The following CFAP20DC variants were observed in gnomAD, a reference collection of about 807,000 sequenced individuals.
CFAP20DC encodes CFAP20 domain containing.
In CFAP20DC, 84 loss-of-function variants were observed where a neutral mutation model predicts 101.7. The observed-to-expected ratio is 0.83, with a 90% CI of 0.69 to 0.99. The LOEUF is 0.99. Among genes scored for constraint, CFAP20DC ranks in the 50% least tolerant of loss-of-function variants. The probability of loss-of-function intolerance (pLI) is 0.00; values close to 1 mark genes in which losing one functional copy is unlikely to be tolerated. For missense variants in CFAP20DC, 1,007 were observed against 970.3 expected (o/e 1.04, Z -0.50); for synonymous variants, 359 against 351.2 (o/e 1.02, Z -0.25).
chr3:59,045,119 T>C (rs1224703274), intron 3 of CFAP20DC, among the ~76,000 whole-genome samples: 1 of 151,996 alleles, frequency 6.6e-6, no homozygotes, highest in Non-Finnish European at 1.5e-5. Flanking sequence ...TCTTTCGTAG[T>C]TTAGAAAGAA....
intron 4 of CFAP20DC, among the ~76,000 whole-genome samples, chr3:58,948,041 A>T (rs559970136): frequency 1.3e-5 from 2 of 152,320 alleles, no homozygotes; most frequent in African/African-American, 4.8e-5. Context: ...ACTTGGGTCC[A>T]TGGGTGAAGT....
At chr3:58,798,800 TCCAGA>T (rs1225407066) in intron 15 of CFAP20DC, among the ~76,000 whole-genome samples, 1 of 152,182 alleles carries the variant, frequency 6.6e-6, no homozygotes, top group East Asian at 1.9e-4. Flanking sequence ...GCCATCAACA[TCCAGA>T]CAAGACCCTC....
chr3:58,719,917 C>T (rs1006803286), intron 3 of CFAP20DC, among the ~76,000 whole-genome samples: 7 of 152,260 alleles, frequency 4.6e-5, no homozygotes, highest in Non-Finnish European at 7.3e-5. Flanking sequence ...AAGCCAAACA[C>T]AGTCCATCTC....
intron 12 of CFAP20DC, among the ~76,000 whole-genome samples, chr3:58,857,218 T>A (rs1267148847): frequency 6.6e-6 from 1 of 152,222 alleles, no homozygotes; most frequent in African/African-American, 2.4e-5. Context: ...TTTTGGGAAT[T>A]TAGAGGGCTG....
Position 58,753,850 on chromosome 3 carries a change from T to C in CFAP20DC, c.2251A>G (p.Met751Val). 6.2e-7 allele frequency: 1 copy of C among 1,609,878 alleles called. No individual in the cohort carries two copies. The change falls in exon 16 of 17, where the codon ATG (methionine) becomes GTG (valine). Residue 751 changes from methionine to valine, a missense_variant. Coordinates refer to ENST00000482387, the MANE Select transcript of CFAP20DC (RefSeq NM_001394063.1). ...SPSNPRDWLNMLSPPIVPPSQ... is the reference protein window; with the variant it reads ...SPSNPRDWLNVLSPPIVPPSQ... ...GGAGGAACGATTGGTGGGCTCAACA[T>C]ATTTAACCAGTCCCTAAAAAGAAAA... is the stretch of plus-strand genomic sequence containing the variant.
chr3:58,939,992 A>G (rs2088300052), intron 4 of CFAP20DC, among the ~76,000 whole-genome samples: 1 of 151,988 alleles, frequency 6.6e-6, no homozygotes, highest in Non-Finnish European at 1.5e-5. Context: ...GTCTAGAACT[A>G]CTGACCTCAG....
chr3:58,801,684 C>T (rs2073718555), intron 15 of CFAP20DC, among the ~76,000 whole-genome samples: 1 of 151,624 alleles, frequency 6.6e-6, no homozygotes, highest in Non-Finnish European at 1.5e-5. Context: ...CGGGTTACAA[C>T]GACAGGCCAG....
intron 5 of CFAP20DC, among the ~76,000 whole-genome samples, chr3:58,918,853 T>A (rs1469161499): frequency 6.6e-6 from 1 of 152,172 alleles, no homozygotes; most frequent in African/African-American, 2.4e-5. Flanking sequence ...ATAATGTACA[T>A]TCCTCATAGA....
rs986248647 is a variant in CFAP20DC, at chr3:58,728,663, G to A, written c.198-11035C>T. 2.6e-5 allele frequency among the ~76,000 whole-genome samples: 4 copies of A among 152,238 alleles called. No individual in the cohort carries two copies. The South Asian group carries it at 8.3e-4, about 32-fold the overall frequency. The stretch of plus-strand genomic sequence containing the variant: ...GTTCCATTCATTTTAGGCTGATTGT[G>A]GAGGAAATCATATGCCAGAGCTTTG... On this transcript the variant is annotated intron_variant, in intron 3 of 3. Coordinates refer to the CFAP20DC transcript ENST00000486145. This position sits in a 1 kb window ranked among gnomAD's most constrained non-coding sequence, Gnocchi z 4.7.
At chr3:58,932,154 A>G (rs1182336330) in intron 5 of CFAP20DC, among the ~76,000 whole-genome samples, 1 of 152,252 alleles carries the variant, frequency 6.6e-6, no homozygotes, top group Non-Finnish European at 1.5e-5. Flanking sequence ...CATGCGATCA[A>G]CTGGAAGAAA....
At chr3:58,909,060 A>C (rs952548845) in intron 6 of CFAP20DC, among the ~76,000 whole-genome samples, 8 of 152,154 alleles carry the variant, frequency 5.3e-5, no homozygotes, top group African/African-American at 1.7e-4. Flanking sequence ...TCTGTGTGAT[A>C]CTATAGTACT....
At chr3:58,944,276 G>C (rs2089040009) in intron 4 of CFAP20DC, among the ~76,000 whole-genome samples, 1 of 152,128 alleles carries the variant, frequency 6.6e-6, no homozygotes, top group Admixed American at 6.5e-5. Context: ...ATAATCCTCA[G>C]ATTCTCCAAG....
chr3:58,765,734 T>G (rs946190374), intron 15 of CFAP20DC, among the ~76,000 whole-genome samples: 2 of 152,168 alleles, frequency 1.3e-5, no homozygotes, highest in Admixed American at 6.5e-5. Context: ...GATCTTATAT[T>G]AGGAATTTAA....
chr3:58,962,604 G>A (rs769274894), intron 4 of CFAP20DC, among the ~76,000 whole-genome samples: 3 of 152,120 alleles, frequency 2.0e-5, no homozygotes, highest in Non-Finnish European at 4.4e-5. Context: ...CCAACAATTG[G>A]TCAGAGGCTG....
intron 5 of CFAP20DC, among the ~76,000 whole-genome samples, chr3:58,918,250 T>C (rs2084953153): frequency 6.6e-6 from 1 of 152,152 alleles, no homozygotes; most frequent in African/African-American, 2.4e-5. Flanking sequence ...TGGGAGGCAG[T>C]GGGAGAGGGT....
chr3:59,049,417 C>G (rs1700130162), intron 1 of CFAP20DC, among the ~76,000 whole-genome samples, 194 bp downstream of exon 1: 1 of 152,100 alleles, frequency 6.6e-6, no homozygotes, highest in Non-Finnish European at 1.5e-5. Flanking sequence ...GAACAAAAGC[C>G]AAATCATACG....
intron 5 of CFAP20DC, among the ~76,000 whole-genome samples, chr3:58,931,554 C>T (rs1373809710): frequency 6.6e-6 from 1 of 152,136 alleles, no homozygotes; most frequent in Non-Finnish European, 1.5e-5. Context: ...TTCACACGGG[C>T]GGGTACTCCT....
chr3:58,730,240 AC>A (rs1162159593), intron 3 of CFAP20DC, among the ~76,000 whole-genome samples: 16 of 152,220 alleles, frequency 1.1e-4, no homozygotes, highest in African/African-American at 3.9e-4. Flanking sequence ...TGTTTTCACC[AC>A]AAAAATTGGT....
intron 12 of CFAP20DC, chr3:58,862,198 A>C: frequency 1.0e-6 from 1 of 984,212 alleles, no homozygotes; most frequent in Non-Finnish European, 1.2e-6. Context: ...ATGCTTTTGC[A>C]TTAGTAAGAG....
Sources: gnomAD v4.1 joint callset for allele counts (sites outside exome capture counted in the v4.1 genomes callset) on GRCh38, gnomAD v4.1.1 for gene constraint, Gnocchi (gnomAD v3.1) non-coding constraint, MANE v1.5 for transcripts, NCBI Gene and HGNC (gene_info 2026-07-23, HGNC 2026-07-21) for gene names.